Variants in GUCY1A2 observed in about 807,000 individuals in gnomAD.
GUCY1A2 encodes the protein guanylate cyclase soluble subunit alpha-2.
A neutral mutation model predicts 63.5 loss-of-function variants in GUCY1A2; 27 were observed. The observed-to-expected ratio is 0.43, with a 90% CI of 0.31 to 0.59. The LOEUF (loss-of-function observed/expected upper bound fraction) is 0.59, where lower values mean the gene tolerates loss of function less well. GUCY1A2 is among the 20% of genes least tolerant of loss of function. The pLI is 0.11. For synonymous variants in GUCY1A2, 364 were observed against 343.5 expected, an observed-to-expected ratio of 1.06 and a Z score of -0.66; for missense variants, 768 against 913.3, an observed-to-expected ratio of 0.84 and a Z score of 2.05.
At chr11:106,824,889 G>A (rs1232183826) in intron 4 of GUCY1A2, 1 of 1,612,638 alleles carries the variant, frequency 6.2e-7, no homozygotes, top group Non-Finnish European at 8.5e-7. Flanking sequence ...GAAGAAGGCT[G>A]CAAACATGCT....
intron 6 of GUCY1A2, among the ~76,000 whole-genome samples, chr11:106,717,538 A>G (rs1361220777): frequency 6.6e-6 from 1 of 152,242 alleles, no homozygotes; most frequent in Non-Finnish European, 1.5e-5. Flanking sequence ...TTATTTGTGC[A>G]AGAAAAATGT....
chr11:106,993,901 C>A (rs1861503134), intron 1 of GUCY1A2, among the ~76,000 whole-genome samples: 1 of 152,120 alleles, frequency 6.6e-6, no homozygotes, highest in South Asian at 2.1e-4. Context: ...CACTAATTTG[C>A]TAAGCAAAAC....
At position 106,997,232 on chromosome 11, in the gene GUCY1A2, T is replaced by C. The variant is rs80139628; in HGVS notation, c.304-11101A>G. The stretch of plus-strand genomic sequence containing the variant: ...GTAGAGAAATATATACCCTTATGCA[T>C]GTAACTATTTATCTGATAATCAAGA... On this transcript the variant is annotated intron_variant, in intron 1 of 7. Coordinates refer to ENST00000526355, the MANE Select transcript of GUCY1A2 (RefSeq NM_000855.3). 4.6e-3 allele frequency among the ~76,000 whole-genome samples: 706 copies of C among 152,300 alleles called. 3 individuals are homozygous for C. Among genetic ancestry groups the C allele is most frequent in the African/African-American group, 0.016 (683 of 41,566 alleles).
intron 6 of GUCY1A2, among the ~76,000 whole-genome samples, chr11:106,728,469 A>C (rs1162080206): frequency 6.6e-6 from 1 of 152,194 alleles, no homozygotes; most frequent in African/African-American, 2.4e-5. Flanking sequence ...GAAATCCCTG[A>C]ATTCATGATG....
At chr11:106,968,556 G>A (rs866898344) in intron 3 of GUCY1A2, among the ~76,000 whole-genome samples, 10 of 152,072 alleles carry the variant, frequency 6.6e-5, no homozygotes, top group Non-Finnish European at 1.0e-4. Context: ...AATCACATGC[G>A]TTTCTTGTTT....
intron 1 of GUCY1A2, among the ~76,000 whole-genome samples, chr11:107,001,086 A>C (rs2120181786): frequency 6.6e-6 from 1 of 152,306 alleles, no homozygotes; most frequent in Non-Finnish European, 1.5e-5. Context: ...TTCTTCCACA[A>C]GTTCTGGATT....
chr11:106,934,634 G>T lies in GUCY1A2; in HGVS notation c.1206+4826C>A, dbSNP rs1043319961. Among the ~76,000 whole-genome samples the T allele has an allele frequency of 5.3e-5, 8 of 152,140 alleles. No individual in the cohort carries two copies. The East Asian group carries it at 1.5e-3, about 29-fold the overall frequency. On this transcript the variant is annotated intron_variant, in intron 4 of 7. Transcript: ENST00000526355. ...GAAAATTGTTTCCCAGCGTTTGATTGTAGCTTCTAATTAATAAGACAAATG... is the reference window on the plus strand; with the variant it reads ...GAAAATTGTTTCCCAGCGTTTGATTTTAGCTTCTAATTAATAAGACAAATG...
chr11:106,820,883 T>C (rs1858892889), intron 4 of GUCY1A2, among the ~76,000 whole-genome samples: 1 of 152,202 alleles, frequency 6.6e-6, no homozygotes, highest in South Asian at 2.1e-4. Context: ...TCATATTGTT[T>C]ATTCATTAAA....
intron 6 of GUCY1A2, among the ~76,000 whole-genome samples, chr11:106,708,920 C>T (rs1862968673): frequency 6.6e-6 from 1 of 151,128 alleles, no homozygotes; most frequent in African/African-American, 2.4e-5. Flanking sequence ...TAATTTGCTA[C>T]ATAAATCTGG....
intron 3 of GUCY1A2, among the ~76,000 whole-genome samples, chr11:106,971,029 G>A (rs1861186385): frequency 1.3e-5 from 2 of 152,200 alleles, no homozygotes; most frequent in East Asian, 3.9e-4. Flanking sequence ...ACTATAGCAT[G>A]GCAAACAGAT....
At chr11:106,704,879 G>A (rs971928730) in intron 7 of GUCY1A2, among the ~76,000 whole-genome samples, 3 of 149,974 alleles carry the variant, frequency 2.0e-5, no homozygotes, top group African/African-American at 7.3e-5. Context: ...AGTAATATTA[G>A]TATATATGAT....
chr11:106,755,037 G>T (rs1305604790), intron 6 of GUCY1A2, among the ~76,000 whole-genome samples: 2 of 152,070 alleles, frequency 1.3e-5, no homozygotes, highest in Non-Finnish European at 2.9e-5. Flanking sequence ...AACTGTTACT[G>T]GTCTGTTAAG....
At chr11:106,862,110 G>T (rs118093547) in intron 4 of GUCY1A2, among the ~76,000 whole-genome samples, 1,946 of 152,058 alleles carry the variant, frequency 0.013, 27 homozygotes, top group South Asian at 0.047. Flanking sequence ...AGCATCTATT[G>T]TTCTGCCCAC....
At position 106,685,099 on chromosome 11, in the gene GUCY1A2, G is replaced by A. The variant is rs553327733; in HGVS notation, c.*2450C>T. 7 of 206,996 alleles carry A rather than the reference G, an allele frequency of 3.4e-5. No individual in the cohort carries two copies. Among genetic ancestry groups the A allele is most frequent in the South Asian group, 1.9e-4 (1 of 5,292 alleles). 12.8% of individuals were successfully genotyped at this position (206,996 alleles called of 1,614,324 possible). On this transcript the variant is annotated 3_prime_UTR_variant, in exon 8 of 8. Transcript: ENST00000526355. ...TGATAACAAATTGGACCATTATCTC[G>A]GACTATAGCTGTGAAAATACACTTA...
At chr11:106,693,468 T>C (rs1294851487) in intron 7 of GUCY1A2, among the ~76,000 whole-genome samples, 1 of 152,152 alleles carries the variant, frequency 6.6e-6, no homozygotes, top group Non-Finnish European at 1.5e-5. Flanking sequence ...GTGCATCTTT[T>C]TTATTTGGTA....
chr11:106,975,317 T>C (rs1183834397), intron 3 of GUCY1A2, among the ~76,000 whole-genome samples: 3 of 152,124 alleles, frequency 2.0e-5, no homozygotes, highest in African/African-American at 7.2e-5. Flanking sequence ...CATTACAATT[T>C]CCAAGAAAAT....
intron 4 of GUCY1A2, among the ~76,000 whole-genome samples, chr11:106,926,042 A>T (rs1198057997): frequency 6.6e-6 from 1 of 152,240 alleles, no homozygotes; most frequent in African/African-American, 2.4e-5. Flanking sequence ...TGTAAGTATA[A>T]TGAGTCAAGA....
intron 4 of GUCY1A2, among the ~76,000 whole-genome samples, chr11:106,915,479 A>G (rs1327741532): frequency 2.0e-5 from 3 of 152,134 alleles, no homozygotes; most frequent in Non-Finnish European, 2.9e-5. Flanking sequence ...AAACGACAAC[A>G]CATGTAAAAG....
At chr11:106,769,287 A>G (rs1864214786) in intron 6 of GUCY1A2, among the ~76,000 whole-genome samples, 1 of 152,148 alleles carries the variant, frequency 6.6e-6, no homozygotes, top group Admixed American at 6.6e-5. Context: ...ATTCAAGAAA[A>G]TAAATAAAAA....
Sources: gnomAD v4.1 joint callset for allele counts (sites outside exome capture counted in the v4.1 genomes callset) on GRCh38, gnomAD v4.1.1 for gene constraint, MANE v1.5 for transcripts, NCBI Gene and HGNC (gene_info 2026-07-23, HGNC 2026-07-21) for gene names.